The following CCDC88C variants were observed in gnomAD, a reference collection of about 807,000 sequenced individuals.
CCDC88C encodes protein Daple.
In CCDC88C, 131 loss-of-function variants were observed where a neutral mutation model predicts 198.8. The ratio of observed to expected loss-of-function variants is 0.66; its 90% CI spans 0.57 to 0.76. The LOEUF is 0.76. Ranked by LOEUF, CCDC88C falls within the 30% of genes least tolerant of loss-of-function variation. CCDC88C has a pLI of 0.00. For missense variants in CCDC88C, 2,553 were observed against 2,631.6 expected, an observed-to-expected ratio of 0.97 and a Z score of 0.65; for synonymous variants, 1,166 against 1,114.7, an observed-to-expected ratio of 1.05 and a Z score of -0.92.
chr14:91,290,911 C>T, intron 24 of CCDC88C, 84 bp downstream of exon 24: 1 of 797,210 alleles, frequency 1.3e-6, no homozygotes, highest in Non-Finnish European at 2.2e-6. Flanking sequence ...GCGGGGCCTG[C>T]CCTAGATGGC....
intron 3 of CCDC88C, among the ~76,000 whole-genome samples, chr14:91,401,304 T>C (rs1236508017): frequency 4.7e-5 from 5 of 106,616 alleles, no homozygotes; most frequent in Non-Finnish European, 9.9e-5. Flanking sequence ...TATATTATAA[T>C]GTATATATTT....
intron 3 of CCDC88C, among the ~76,000 whole-genome samples, chr14:91,405,690 T>A (rs1208260316): frequency 1.3e-5 from 2 of 152,176 alleles, no homozygotes; most frequent in African/African-American, 4.8e-5. Flanking sequence ...GGGTGGGTCT[T>A]TTCTCTTGCT....
chr14:91,312,048 C>T (rs972774639), intron 15 of CCDC88C, among the ~76,000 whole-genome samples: 4 of 151,784 alleles, frequency 2.6e-5, no homozygotes, highest in African/African-American at 9.7e-5. Context: ...GTGGAAAACA[C>T]TAAAACAATC....
chr14:91,365,517 C>A (rs964628197), intron 3 of CCDC88C, among the ~76,000 whole-genome samples: 2 of 152,224 alleles, frequency 1.3e-5, no homozygotes, highest in Admixed American at 1.3e-4. Context: ...CAGTCTCTAT[C>A]TGGGACTTAG....
intron 3 of CCDC88C, among the ~76,000 whole-genome samples, chr14:91,386,136 G>A (rs963337291): frequency 1.3e-5 from 2 of 151,854 alleles, no homozygotes; most frequent in African/African-American, 4.8e-5. Context: ...TTTCTATGAT[G>A]AGCCAACAAT....
chr14:91,355,228 CACTGAGGGTAG>C (rs2139894680), intron 4 of CCDC88C, among the ~76,000 whole-genome samples: 1 of 152,204 alleles, frequency 6.6e-6, no homozygotes, highest in Non-Finnish European at 1.5e-5. Flanking sequence ...TCTGGGGGTG[CACTGAGGGTAG>C]ACCCGGGACA....
rs754666289 is a variant in CCDC88C, at chr14:91,313,587, G to A, written c.2229C>T (p.Asn743=). 1.2e-5 allele frequency: 19 copies of A among 1,612,228 alleles called. No individual in the cohort carries two copies. In the Middle Eastern group the frequency reaches 4.9e-4, roughly 42 times the overall value. ...TGCCCAGCGCCTTGAGCAGATCCAC[G>A]TTCTTCCTCAGCTCCTCCTTCTCAC... ...LEREKEELRK[N]VDLLKALGKK... is the part of the protein sequence containing the mutation. The change falls in exon 15 of 30, where the codon AAC becomes AAT. Residue 743 remains asparagine, a synonymous_variant. Transcript: ENST00000389857. The surrounding 1 kb of genome is among the most constrained non-coding windows in gnomAD (Gnocchi z 5.2).
chr14:91,375,547 C>T (rs893831432), intron 3 of CCDC88C, among the ~76,000 whole-genome samples: 4 of 152,160 alleles, frequency 2.6e-5, no homozygotes, highest in East Asian at 1.9e-4. Context: ...GAAGGGCAGG[C>T]GCACAGACCC....
Position 91,307,042 on chromosome 14 carries a change from C to A in CCDC88C, c.3191G>T (p.Arg1064Leu). 1 of 1,609,268 alleles carries A rather than the reference C, an allele frequency of 6.2e-7. No homozygotes were observed. The highest frequency in any genetic ancestry group is 8.5e-7 in the Non-Finnish European group (1 of 1,177,188). The change falls in exon 18 of 30, where the codon CGG becomes CTG. Residue 1064 changes from arginine to leucine, a missense_variant. Physicochemically the swap from Arg to Leu is moderately radical, Grantham distance 102. Around this residue, in one of 2 missense-constraint regions of CCDC88C, gnomAD observed 1,260 missense variants for 1,412.0 expected, o/e 0.89. Coordinates refer to ENST00000389857, the MANE Select transcript of CCDC88C (RefSeq NM_001080414.4). ...TGCCCAGGCCAGCCCACTCACATTC[C>A]GCTCCAGCTCGATGGCCCGGTCCTT... The part of the protein sequence containing the change: ...RVKDRAIELE[R>L]NNAALQAEKQ...
rs555156131 is a variant in CCDC88C at position 91,327,462 on chromosome 14, C to T, written c.1051-1406G>A. On this transcript the variant is annotated intron_variant, in intron 10 of 29. Coordinates refer to ENST00000389857, the MANE Select transcript of CCDC88C (RefSeq NM_001080414.4). ...TGGCCCTGCCCCAGGCAATCCATGT[C>T]CTGCCTTACAGTGGCCCTCAGAGGG... Among the ~76,000 whole-genome samples, 291 of 152,348 alleles carry T rather than the reference C, an allele frequency of 1.9e-3. 2 individuals carry two copies. The highest frequency in any genetic ancestry group is 6.7e-3 in the African/African-American group (279 of 41,588).
chr14:91,295,324 C>T (rs1380494336), intron 22 of CCDC88C, among the ~76,000 whole-genome samples: 9 of 152,248 alleles, frequency 5.9e-5, no homozygotes, highest in Non-Finnish European at 1.2e-4. Context: ...ATTGCCACTG[C>T]TATATTGCTT....
intron 10 of CCDC88C, among the ~76,000 whole-genome samples, chr14:91,332,881 C>T (rs1267928652): frequency 6.6e-6 from 1 of 152,228 alleles, no homozygotes; most frequent in Non-Finnish European, 1.5e-5. Flanking sequence ...GACAGTCCCA[C>T]CTGCTGGGGC....
At chr14:91,285,302 G>T in intron 25 of CCDC88C, 1 of 353,328 alleles carries the variant, frequency 2.8e-6, no homozygotes. Context: ...TTTAGGAAGT[G>T]CAGCAACCAC....
chr14:91,326,828 C>T (rs1892603800), intron 10 of CCDC88C, among the ~76,000 whole-genome samples: 1 of 152,218 alleles, frequency 6.6e-6, no homozygotes, highest in Non-Finnish European at 1.5e-5. Context: ...ATCTTACAAA[C>T]ACTCTTAGAT....
chr14:91,395,206 T>C (rs1885772927), intron 3 of CCDC88C, among the ~76,000 whole-genome samples: 1 of 152,172 alleles, frequency 6.6e-6, no homozygotes, highest in Non-Finnish European at 1.5e-5. Flanking sequence ...TTTGGATTTG[T>C]GTCTCCTGCC....
intron 6 of CCDC88C, 56 bp downstream of exon 6, chr14:91,342,324 G>T (rs906331823): frequency 1.8e-6 from 2 of 1,126,380 alleles, no homozygotes; most frequent in African/African-American, 1.5e-5. Flanking sequence ...TTTGCCTCCC[G>T]GCCACCACAG....
intron 15 of CCDC88C, among the ~76,000 whole-genome samples, chr14:91,312,603 T>C (rs1891882236): frequency 6.6e-6 from 1 of 152,130 alleles, no homozygotes; most frequent in African/African-American, 2.4e-5. Context: ...AAGAATCGCT[T>C]GAATCTGGGA....
At chr14:91,416,399 G>T (rs1829121956) in intron 2 of CCDC88C, among the ~76,000 whole-genome samples, 1 of 152,196 alleles carries the variant, frequency 6.6e-6, no homozygotes, top group African/African-American at 2.4e-5. Context: ...CTCCGTTACA[G>T]TTCCTTGCCC....
intron 3 of CCDC88C, among the ~76,000 whole-genome samples, chr14:91,396,081 C>T (rs1267398116): frequency 1.3e-5 from 2 of 152,162 alleles, no homozygotes; most frequent in African/African-American, 4.8e-5. Flanking sequence ...AATTACATCT[C>T]GAAGGATCAA....
Sources: gnomAD v4.1 joint callset for allele counts (sites outside exome capture counted in the v4.1 genomes callset) on GRCh38, gnomAD v4.1.1 for gene constraint, gnomAD v4.1.1 regional missense constraint, Gnocchi (gnomAD v3.1) non-coding constraint, MANE v1.5 for transcripts, NCBI Gene and HGNC (gene_info 2026-07-23, HGNC 2026-07-21) for gene names.